LOXHD1: variants seen among roughly 807,000 people sequenced by gnomAD.
LOXHD1 encodes the protein lipoxygenase homology domain-containing protein 1.
Under a neutral mutation model 248.2 loss-of-function variants are expected in LOXHD1, and 205 were observed. The observed-to-expected ratio is 0.83, with a 90% CI of 0.74 to 0.93. LOXHD1 has a LOEUF of 0.93. Ranked by LOEUF, LOXHD1 falls within the 40% of genes least tolerant of loss-of-function variation. The probability of loss-of-function intolerance (pLI) is 0.00; values close to 1 mark genes in which losing one functional copy is unlikely to be tolerated. For missense variants in LOXHD1, 2,930 were observed against 2,971.6 expected, an observed-to-expected ratio of 0.99 and a Z score of 0.33; for synonymous variants, 1,113 against 1,162.8, an observed-to-expected ratio of 0.96 and a Z score of 0.87.
At chr18:46,559,403 C>T (rs1031581395) in intron 20 of LOXHD1, 45 bp downstream of exon 20, 1 of 1,551,648 alleles carries the variant, frequency 6.4e-7, no homozygotes, top group Middle Eastern at 1.7e-4. Context: ...TCAGAGGGCA[C>T]CAAACCCACA....
intron 6 of LOXHD1, among the ~76,000 whole-genome samples, chr18:46,608,574 G>A (rs1448198757): frequency 2.6e-5 from 4 of 152,152 alleles, no homozygotes; most frequent in African/African-American, 9.7e-5. Flanking sequence ...GTCATAAAAT[G>A]CACAGGCCTC....
intron 37 of LOXHD1, among the ~76,000 whole-genome samples, chr18:46,490,546 G>A (rs1430887146): frequency 6.6e-6 from 1 of 152,210 alleles, no homozygotes; most frequent in African/African-American, 2.4e-5. Context: ...CATGATCTCG[G>A]CTCACCGCAA....
At chr18:46,593,342 C>A (rs922914951) in intron 10 of LOXHD1, among the ~76,000 whole-genome samples, 1 of 152,190 alleles carries the variant, frequency 6.6e-6, no homozygotes, top group Non-Finnish European at 1.5e-5. Context: ...TAAGCCATTC[C>A]ATACTAACTT....
At chr18:46,533,489 T>C (rs186434144) in intron 27 of LOXHD1, among the ~76,000 whole-genome samples, 165 bp from the exon 28 acceptor site, 17 of 152,274 alleles carry the variant, frequency 1.1e-4, no homozygotes, top group African/African-American at 3.1e-4. Context: ...AGTAGATCAG[T>C]CTTAAAGACT....
chr18:46,614,912 A>G (rs2038564150), intron 5 of LOXHD1, among the ~76,000 whole-genome samples: 1 of 152,044 alleles, frequency 6.6e-6, no homozygotes, highest in Non-Finnish European at 1.5e-5. Flanking sequence ...AATTTCTTAA[A>G]TATTTGTTAG....
At chr18:46,618,155 G>A (rs1315613578) in intron 5 of LOXHD1, 37 bp downstream of exon 5, 2 of 1,478,112 alleles carry the variant, frequency 1.4e-6, no homozygotes, top group Non-Finnish European at 1.8e-6. Flanking sequence ...AATAGTCCTG[G>A]GCTTGGCTTA....
At chr18:46,557,914 G>C (rs745602582) in intron 20 of LOXHD1, 121 of 1,067,138 alleles carry the variant, frequency 1.1e-4, no homozygotes, top group Non-Finnish European at 1.3e-4. Context: ...GCTATGAGCT[G>C]GTGCTGTGCA....
chr18:46,490,691 T>C (rs2033405450), intron 37 of LOXHD1, among the ~76,000 whole-genome samples: 1 of 152,218 alleles, frequency 6.6e-6, no homozygotes, highest in Admixed American at 6.5e-5. Context: ...GTCAGGCTGG[T>C]CTCGAACTCC....
chr18:46,624,282 TAGG>T (rs1272764797), intron 4 of LOXHD1, among the ~76,000 whole-genome samples: 2 of 151,882 alleles, frequency 1.3e-5, no homozygotes. Context: ...AGGCGCTGCG[TAGG>T]AGGAGATGAA....
chr18:46,497,353 C>G (rs955361336), intron 37 of LOXHD1, among the ~76,000 whole-genome samples: 20 of 152,176 alleles, frequency 1.3e-4, no homozygotes, highest in African/African-American at 4.8e-4. Context: ...CCGCCTCTTT[C>G]AGATTTTGAC....
chr18:46,566,443 G>A lies in LOXHD1; in HGVS notation c.2251C>T (p.Arg751Trp), dbSNP rs376539851. The change falls in exon 17 of 41, where the codon CGG becomes TGG. Residue 751 changes from arginine to tryptophan, a missense_variant. Transcript: ENST00000642948. ...GTGCTGTCATGCCCAATCACCAGCCGGTTGATCTGAAGGAAACCCGAGTGA... is the reference window on the plus strand; with the variant it reads ...GTGCTGTCATGCCCAATCACCAGCCAGTTGATCTGAAGGAAACCCGAGTGA... ...LETLNIGNINRLVIGHDSTGM... is the reference protein window; with the variant it reads ...LETLNIGNINWLVIGHDSTGM... 1,268 of 1,549,294 alleles carry A rather than the reference G, an allele frequency of 8.2e-4. 1 individual carries two copies. Among genetic ancestry groups the A allele is most frequent in the Non-Finnish European group, 9.9e-4 (1,141 of 1,146,882 alleles).
At chr18:46,564,118 GCACGCACA>G (rs2037589203) in intron 17 of LOXHD1, among the ~76,000 whole-genome samples, 2 of 149,792 alleles carry the variant, frequency 1.3e-5, no homozygotes, top group South Asian at 2.1e-4. Context: ...GTGTGTGTGT[GCACGCACA>G]CACGCACACA....
rs1171712617 is a variant in LOXHD1, at chr18:46,557,347, C to A, written c.3350+9G>T. 1 of 1,552,358 alleles carries A rather than the reference C, an allele frequency of 6.4e-7. No individual in the cohort carries two copies. The highest frequency in any genetic ancestry group is 8.7e-7 in the Non-Finnish European group (1 of 1,147,134). Reference sequence around the variant, plus strand: ...AACACCCCTCCCTGCCCACTGCCCCCACACTCACGTGATCTCGTTGTTCAT... The same window carrying A: ...AACACCCCTCCCTGCCCACTGCCCCAACACTCACGTGATCTCGTTGTTCAT... On this transcript the variant is annotated intron_variant, in intron 21 of 40. Coordinates refer to ENST00000642948, the MANE Select transcript of LOXHD1 (RefSeq NM_001384474.1).
chr18:46,519,113 C>A (rs1207234878), intron 33 of LOXHD1: 2 of 983,992 alleles, frequency 2.0e-6, no homozygotes, highest in Non-Finnish European at 2.4e-6. Flanking sequence ...AGCACTTACA[C>A]TGATGTTCTA....
At chr18:46,566,144 T>G in intron 17 of LOXHD1, 113 bp downstream of exon 17, 1 of 1,205,534 alleles carries the variant, frequency 8.3e-7, no homozygotes, top group Non-Finnish European at 1.1e-6. Flanking sequence ...TGCAGGACCC[T>G]ACCAGCAGCA....
intron 37 of LOXHD1, among the ~76,000 whole-genome samples, chr18:46,489,610 T>G (rs975950047): frequency 2.0e-5 from 3 of 152,156 alleles, no homozygotes; most frequent in African/African-American, 4.8e-5. Flanking sequence ...TCAGTTCAGG[T>G]GTCAGCTCCT....
intron 37 of LOXHD1, among the ~76,000 whole-genome samples, chr18:46,493,850 A>G (rs1272134996): frequency 6.6e-6 from 1 of 152,026 alleles, no homozygotes; most frequent in Non-Finnish European, 1.5e-5. Flanking sequence ...AAAGGGCCCA[A>G]CTCTGTGTTT....
chr18:46,524,768 G>T lies in LOXHD1; in HGVS notation c.4680C>A (p.Cys1560Ter), dbSNP rs397517863. 1 of 1,551,744 alleles carries T rather than the reference G, an allele frequency of 6.4e-7. No homozygotes were observed. Among genetic ancestry groups the T allele is most frequent in the Non-Finnish European group, 8.7e-7 (1 of 1,147,004 alleles). The change falls in exon 30 of 41, where the codon TGC (cysteine) becomes TGA (stop). Residue 1560 changes from cysteine (C) to a stop codon, truncating the protein, a stop_gained. Coordinates refer to ENST00000642948, the MANE Select transcript of LOXHD1 (RefSeq NM_001384474.1). LOFTEE classifies it high-confidence loss of function. The stretch of plus-strand genomic sequence containing the variant: ...CCTTCTTCAGGGAGAGCCAGCGCCC[G>T]CATAGGAACAGGAACTCGTCCTCGT... ...DTNEDEFLFL[C>*]GRWLSLKKED...
intron 2 of LOXHD1, among the ~76,000 whole-genome samples, chr18:46,648,497 A>T (rs1418400173): frequency 8.6e-5 from 13 of 151,758 alleles, no homozygotes. Flanking sequence ...TGAACAGACC[A>T]CTCCTGAGGC....
Sources: gnomAD v4.1 joint callset for allele counts (sites outside exome capture counted in the v4.1 genomes callset) on GRCh38, gnomAD v4.1.1 for gene constraint, MANE v1.5 for transcripts, NCBI Gene and HGNC (gene_info 2026-07-23, HGNC 2026-07-21) for gene names.